Variants in DOCK3 observed in about 807,000 individuals in gnomAD.
DOCK3 encodes dedicator of cytokinesis protein 3.
Under a neutral mutation model 265.6 loss-of-function variants are expected in DOCK3, and 60 were observed. The ratio of observed to expected loss-of-function variants is 0.23; its 90% CI spans 0.18 to 0.28. The LOEUF is 0.28. Among genes scored for constraint, DOCK3 ranks in the 10% least tolerant of loss-of-function variants. DOCK3 has a pLI of 1.00. For missense variants in DOCK3, 1,981 were observed against 2,594.3 expected (o/e 0.76, Z 5.14); for synonymous variants, 881 against 938.0 (o/e 0.94, Z 1.11).
intron 5 of DOCK3, among the ~76,000 whole-genome samples, chr3:50,937,972 T>C (rs2051483299): frequency 6.6e-6 from 1 of 152,018 alleles, no homozygotes; most frequent in Non-Finnish European, 1.5e-5. Flanking sequence ...GTTGTTTATA[T>C]GAAACTCACT....
chr3:50,970,935 ATATATATATATAATG>A (rs2077202703), intron 5 of DOCK3, among the ~76,000 whole-genome samples: 3 of 73,136 alleles, frequency 4.1e-5, no homozygotes, highest in Admixed American at 1.7e-4. Context: ...ATATATATAT[ATATATATATATAATG>A]TGTGTGTGTG....
At chr3:51,249,182 C>T (rs1311539136) in intron 22 of DOCK3, among the ~76,000 whole-genome samples, 3 of 143,958 alleles carry the variant, frequency 2.1e-5, no homozygotes, top group East Asian at 2.2e-4. Flanking sequence ...GGCCAGCTGC[C>T]CCATCCGGCA....
intron 41 of DOCK3, 31 bp downstream of exon 41, chr3:51,355,054 G>A (rs1298801505): frequency 3.1e-6 from 5 of 1,605,784 alleles, no homozygotes; most frequent in Non-Finnish European, 3.4e-6. Flanking sequence ...GGAGGAGGAG[G>A]GCAGGGGCCC....
At chr3:51,098,700 C>T (rs2082964302) in intron 9 of DOCK3, among the ~76,000 whole-genome samples, 1 of 152,178 alleles carries the variant, frequency 6.6e-6, no homozygotes, top group South Asian at 2.1e-4. Flanking sequence ...CGACCCTAGG[C>T]CCCATCGTAT....
At chr3:50,870,732 G>A (rs1240150236) in intron 3 of DOCK3, among the ~76,000 whole-genome samples, 1 of 151,182 alleles carries the variant, frequency 6.6e-6, no homozygotes, top group African/African-American at 2.4e-5. Flanking sequence ...ATATTTTTCT[G>A]TGGTGATATG....
chr3:51,194,633 T>A lies in DOCK3; in HGVS notation c.1038-14141T>A, dbSNP rs199516341. On this transcript the variant is annotated intron_variant, in intron 12 of 52. Transcript: ENST00000266037. ...AGAATTTTTTATCATCTTGCTGGAT[T>A]GATCCCTTTATCATTATATAATGAC... Among the ~76,000 whole-genome samples, 29 of 152,270 alleles carry A rather than the reference T, an allele frequency of 1.9e-4. No homozygotes were observed. In the East Asian group the frequency reaches 4.2e-3, roughly 22 times the overall value.
At chr3:51,276,318 G>A in intron 25 of DOCK3, 1 of 978,746 alleles carries the variant, frequency 1.0e-6, no homozygotes, top group South Asian at 4.7e-5. Context: ...CCTCAGAGAA[G>A]CCACACCAAG....
chr3:50,985,464 T>A (rs1043147239), intron 5 of DOCK3, among the ~76,000 whole-genome samples: 18 of 152,180 alleles, frequency 1.2e-4, no homozygotes, highest in African/African-American at 4.1e-4. Context: ...TTGTTTCTAT[T>A]TAATAGATTA....
intron 2 of DOCK3, among the ~76,000 whole-genome samples, chr3:50,797,570 G>A (rs1045621099): frequency 1.3e-5 from 2 of 152,206 alleles, no homozygotes; most frequent in African/African-American, 4.8e-5. Context: ...TTCTGGAAGA[G>A]CCACTTGTAG....
chr3:51,074,128 C>T (rs1296563335), intron 6 of DOCK3, among the ~76,000 whole-genome samples: 3 of 152,158 alleles, frequency 2.0e-5, no homozygotes, highest in East Asian at 3.8e-4. Context: ...CCATGGAATG[C>T]TTTTGCCAGA....
chr3:51,150,666 C>T (rs1441236091), intron 10 of DOCK3, among the ~76,000 whole-genome samples: 1 of 152,154 alleles, frequency 6.6e-6, no homozygotes, highest in Non-Finnish European at 1.5e-5. Flanking sequence ...CTTCTTAATC[C>T]TGAGTTCTAA....
chr3:51,320,535 C>T (rs2083645348), intron 32 of DOCK3, among the ~76,000 whole-genome samples: 1 of 152,136 alleles, frequency 6.6e-6, no homozygotes, highest in Admixed American at 6.5e-5. Context: ...TGGCTTGGTG[C>T]ATCCCACCCC....
rs2086463258 is a variant in DOCK3, at chr3:51,357,798, A to T, written c.4724A>T (p.Asp1575Val). ...GATTACATCAACAAGCACCCAGGAGATGCTGAGAAGATCACCCAGCTCAAG... is the reference window on the plus strand; with the variant it reads ...GATTACATCAACAAGCACCCAGGAGTTGCTGAGAAGATCACCCAGCTCAAG... The part of the protein sequence containing the change: ...DKDYINKHPG[D>V]AEKITQLKEL... Residue 1575 changes from aspartate (D) to valine (V), a missense_variant, in exon 45 of 53, where the codon GAT becomes GTT. This residue lies in a region of DOCK3 where 1,357 missense variants were observed against 1,866.8 expected (regional missense o/e 0.73). Transcript: ENST00000266037. The T allele has an allele frequency of 1.2e-6, 2 of 1,613,860 alleles. No homozygotes were observed. Among genetic ancestry groups the T allele is most frequent in the Admixed American group, 3.3e-5 (2 of 60,002 alleles).
intron 3 of DOCK3, among the ~76,000 whole-genome samples, chr3:50,883,981 A>G (rs2048196244): frequency 1.3e-5 from 2 of 152,020 alleles, no homozygotes; most frequent in South Asian, 4.1e-4. Flanking sequence ...ATTATATAAT[A>G]GGTGTCTTTT....
chr3:50,779,024 A>G (rs1410837417), intron 2 of DOCK3, among the ~76,000 whole-genome samples: 1 of 152,152 alleles, frequency 6.6e-6, no homozygotes, highest in African/African-American at 2.4e-5. Flanking sequence ...TACTTGAGAT[A>G]CTTTGGTACA....
At chr3:50,780,268 G>C (rs2041844158) in intron 2 of DOCK3, among the ~76,000 whole-genome samples, 1 of 152,152 alleles carries the variant, frequency 6.6e-6, no homozygotes, top group Non-Finnish European at 1.5e-5. Context: ...AATATTGAAA[G>C]AGTTTTCACT....
chr3:51,234,640 T>C (rs1178164086), intron 19 of DOCK3, among the ~76,000 whole-genome samples: 2 of 152,236 alleles, frequency 1.3e-5, no homozygotes, highest in Non-Finnish European at 2.9e-5. Flanking sequence ...CTCTAAATAC[T>C]GCTCATTAAC....
intron 40 of DOCK3, among the ~76,000 whole-genome samples, chr3:51,354,444 A>T (rs2086224216): frequency 6.6e-6 from 1 of 152,104 alleles, no homozygotes; most frequent in African/African-American, 2.4e-5. Flanking sequence ...CTCTACACAG[A>T]CACCTTCTTT....
chr3:51,208,816 C>T lies in DOCK3; in HGVS notation c.1080C>T (p.Ile360=). 1.2e-6 allele frequency: 2 copies of T among 1,612,244 alleles called. No homozygotes were observed. The highest frequency in any genetic ancestry group is 1.1e-5 in the South Asian group (1 of 90,490). ...ESEWSQIHEN[I]IRKSSAKYSA... is the part of the protein sequence containing the mutation. ...AGTGGTCCCAGATCCACGAGAACAT[C>T]ATCCGAAAGTCCAGTGCCAAGTACT... The change falls in exon 13 of 53, where the codon ATC becomes ATT. Residue 360 remains isoleucine (I), a synonymous_variant. Coordinates refer to ENST00000266037, the MANE Select transcript of DOCK3 (RefSeq NM_004947.5).
Sources: allele counts gnomAD v4.1 joint callset (sites outside exome capture counted in the v4.1 genomes callset), GRCh38; gene constraint gnomAD v4.1.1; regional missense constraint gnomAD v4.1.1; transcripts MANE v1.5; gene names NCBI Gene and HGNC (gene_info 2026-07-23, HGNC 2026-07-21).